The following FBXL17 variants were observed in gnomAD, a reference collection of about 807,000 sequenced individuals.
FBXL17 encodes F-box and leucine rich repeat protein 17.
FBXL17 carries 22 observed loss-of-function variants against 66.2 expected under a neutral mutation model. That is an observed-to-expected ratio of 0.33 (90% CI 0.24 to 0.47). The LOEUF (loss-of-function observed/expected upper bound fraction) is 0.47. Ranked by LOEUF, FBXL17 falls within the 20% of genes least tolerant of loss-of-function variation. FBXL17 has a pLI of 1.00. For missense variants in FBXL17, 878 were observed against 948.2 expected, an observed-to-expected ratio of 0.93 and a Z score of 0.97; for synonymous variants, 474 against 400.5, an observed-to-expected ratio of 1.18 and a Z score of -2.19.
chr5:108,177,112 TAC>T (rs1752822428), intron 6 of FBXL17, among the ~76,000 whole-genome samples: 1 of 152,338 alleles, frequency 6.6e-6, no homozygotes, highest in South Asian at 2.1e-4. Context: ...AGGAAGCATT[TAC>T]AGATAGTGAC....
chr5:108,114,224 G>A lies in FBXL17; in HGVS notation c.1745+71893C>T, dbSNP rs1382775916. On this transcript the variant is annotated intron_variant, in intron 6 of 8. Coordinates refer to ENST00000542267, the MANE Select transcript of FBXL17 (RefSeq NM_001163315.3). ...ACATGTACATATTTTACATAATCCAGTTCCCAGAACTTTACAATTGTTTAT... is the reference window on the plus strand; with the variant it reads ...ACATGTACATATTTTACATAATCCAATTCCCAGAACTTTACAATTGTTTAT... Among the ~76,000 whole-genome samples the A allele has an allele frequency of 2.6e-5, 4 of 152,186 alleles. No homozygotes were observed. In the East Asian group the frequency reaches 7.7e-4, roughly 29 times the overall value.
At chr5:108,065,139 CATGTGTGTGTATGT>C (rs896971752) in intron 6 of FBXL17, among the ~76,000 whole-genome samples, 13 of 151,834 alleles carry the variant, frequency 8.6e-5, no homozygotes, top group African/African-American at 3.1e-4. Context: ...AAATATATGC[CATGTGTGTGTATGT>C]ATGTGTGTGT....
At chr5:108,257,040 G>A (rs1756606136) in intron 4 of FBXL17, among the ~76,000 whole-genome samples, 1 of 152,146 alleles carries the variant, frequency 6.6e-6, no homozygotes, top group Admixed American at 6.5e-5. Flanking sequence ...ACCAGCCTCT[G>A]GCTGAATAGG....
At chr5:107,941,411 G>A (rs1005733043) in intron 7 of FBXL17, among the ~76,000 whole-genome samples, 1 of 152,108 alleles carries the variant, frequency 6.6e-6, no homozygotes, top group Non-Finnish European at 1.5e-5. Context: ...GAATACCCTC[G>A]GCTGAGTTAC....
chr5:108,272,237 C>G (rs570366917), intron 4 of FBXL17, among the ~76,000 whole-genome samples: 4 of 151,820 alleles, frequency 2.6e-5, no homozygotes, highest in African/African-American at 9.7e-5. Context: ...CTTGCAGTGA[C>G]CCGAGATCGC....
chr5:108,129,146 T>A (rs1750828149), intron 6 of FBXL17, among the ~76,000 whole-genome samples: 2 of 152,128 alleles, frequency 1.3e-5, no homozygotes. Context: ...TGGTAAGCAA[T>A]CAATCTACTG....
intron 6 of FBXL17, among the ~76,000 whole-genome samples, chr5:108,129,105 G>A (rs1471593015): frequency 1.3e-5 from 2 of 152,168 alleles, no homozygotes; most frequent in African/African-American, 4.8e-5. Flanking sequence ...TATCATTAGT[G>A]GAAAATCTGA....
intron 7 of FBXL17, among the ~76,000 whole-genome samples, chr5:107,994,864 C>CAAAAAA (rs1753410524): frequency 6.6e-6 from 1 of 151,512 alleles, no homozygotes; most frequent in South Asian, 2.1e-4. Context: ...AAAACAAAAA[C>CAAAAAA]ACCTATACAG....
At chr5:108,161,835 TTAGACATA>T (rs1752231003) in intron 6 of FBXL17, among the ~76,000 whole-genome samples, 1 of 152,196 alleles carries the variant, frequency 6.6e-6, no homozygotes, top group Non-Finnish European at 1.5e-5. Flanking sequence ...AGCAATGATC[TTAGACATA>T]TAAAAGGCAG....
At chr5:108,231,492 T>A (rs756000174) in intron 4 of FBXL17, among the ~76,000 whole-genome samples, 13 of 152,132 alleles carry the variant, frequency 8.5e-5, no homozygotes, top group Non-Finnish European at 1.8e-4. Flanking sequence ...AGTCCATGTA[T>A]CAGGAGTTGT....
intron 4 of FBXL17, among the ~76,000 whole-genome samples, chr5:108,339,754 T>G (rs1233037584): frequency 6.6e-6 from 1 of 152,142 alleles, no homozygotes; most frequent in East Asian, 1.9e-4. Context: ...TATTTGGAAT[T>G]TCCTATTTTT....
intron 6 of FBXL17, among the ~76,000 whole-genome samples, chr5:108,086,418 T>C (rs1160940646): frequency 2.0e-5 from 3 of 152,208 alleles, no homozygotes; most frequent in Non-Finnish European, 4.4e-5. Flanking sequence ...TCATCAAACC[T>C]AAGCATAAAA....
intron 7 of FBXL17, among the ~76,000 whole-genome samples, chr5:107,929,881 T>C (rs1452150888): frequency 6.6e-6 from 1 of 152,174 alleles, no homozygotes; most frequent in Non-Finnish European, 1.5e-5. Context: ...TATACTCTAT[T>C]TCCCTACACT....
At chr5:108,166,504 TA>T (rs1159063418) in intron 6 of FBXL17, among the ~76,000 whole-genome samples, 1 of 152,158 alleles carries the variant, frequency 6.6e-6, no homozygotes, top group East Asian at 1.9e-4. Flanking sequence ...TAACCTGATT[TA>T]AAAAATACTC....
At chr5:108,255,073 A>G (rs1279143461) in intron 4 of FBXL17, among the ~76,000 whole-genome samples, 1 of 152,216 alleles carries the variant, frequency 6.6e-6, no homozygotes, top group Non-Finnish European at 1.5e-5. Context: ...AAAGAAATTA[A>G]TCAATCTGGA....
intron 7 of FBXL17, among the ~76,000 whole-genome samples, chr5:107,994,754 C>G (rs1220795769): frequency 2.6e-5 from 4 of 152,104 alleles, no homozygotes; most frequent in Non-Finnish European, 5.9e-5. Context: ...AGGAAAATCC[C>G]TTCAACCCGG....
chr5:108,370,736 C>A (rs1014212068), intron 1 of FBXL17, among the ~76,000 whole-genome samples: 1 of 150,902 alleles, frequency 6.6e-6, no homozygotes, highest in Admixed American at 6.6e-5. Context: ...GAGCAAGACT[C>A]CTTCTCGGAA....
intron 5 of FBXL17, among the ~76,000 whole-genome samples, chr5:108,187,908 A>G (rs1753304434): frequency 6.6e-6 from 1 of 152,204 alleles, no homozygotes; most frequent in African/African-American, 2.4e-5. Context: ...AGAGAAGACT[A>G]GACACTTGAA....
At chr5:107,875,687 T>A (rs1047868273) in intron 8 of FBXL17, among the ~76,000 whole-genome samples, 1 of 152,272 alleles carries the variant, frequency 6.6e-6, no homozygotes, top group Non-Finnish European at 1.5e-5. Flanking sequence ...CGATTTCTTA[T>A]GTCCTGTAGA....
Sources: gnomAD v4.1 joint callset for allele counts (sites outside exome capture counted in the v4.1 genomes callset) on GRCh38, gnomAD v4.1.1 for gene constraint, MANE v1.5 for transcripts, NCBI Gene and HGNC (gene_info 2026-07-23, HGNC 2026-07-21) for gene names.